CXCL9: variants seen among roughly 807,000 people sequenced by gnomAD.
CXCL9 encodes the protein C-X-C motif chemokine 9.
Under a neutral mutation model 11.7 loss-of-function variants are expected in CXCL9, and 8 were observed. The observed-to-expected ratio is 0.68, with a 90% CI of 0.40 to 1.23. CXCL9 has a LOEUF of 1.23. Ranked by LOEUF, CXCL9 falls within the 50% of genes most tolerant of loss-of-function variation. The pLI, the probability that CXCL9 is intolerant of heterozygous loss-of-function variation, is 0.01. For synonymous variants in CXCL9, 43 were observed against 48.2 expected, an observed-to-expected ratio of 0.89 and a Z score of 0.45; for missense variants, 133 against 141.7, an observed-to-expected ratio of 0.94 and a Z score of 0.31.
At chr4:76,003,743 C>T in intron 3 of CXCL9, 44 bp from the exon 4 acceptor site, 1 of 1,138,270 alleles carries the variant, frequency 8.8e-7, no homozygotes, top group Non-Finnish European at 1.3e-6. Context: ...TGAATCTTAC[C>T]ATTTTTACTT....
At chr4:76,003,727 T>C (rs753997520) in intron 3 of CXCL9, 28 bp from the exon 4 acceptor site, 20 of 1,291,106 alleles carry the variant, frequency 1.5e-5, no homozygotes, top group Non-Finnish European at 2.1e-5. Flanking sequence ...AAAAGGGCAA[T>C]GTTTCTGAAT....
chr4:76,003,503 G>T lies in CXCL9; in HGVS notation c.*95C>A. 1 of 691,128 alleles carries T rather than the reference G, an allele frequency of 1.4e-6. No homozygotes were observed. The highest frequency in any genetic ancestry group is 1.8e-5 in the South Asian group (1 of 54,370). 42.8% of individuals were successfully genotyped at this position (691,128 alleles called of 1,614,324 possible). A position where few individuals can be genotyped will look rare whatever the true frequency, so the allele number is the denominator to read the frequency against. ...TTAAATTTTCTAGTCAAATTAATAA[G>T]CCTTTGTATTATATGCCATCCTCCT... is the stretch of plus-strand genomic sequence containing the variant. On this transcript the variant is annotated 3_prime_UTR_variant, in exon 4 of 4. Coordinates refer to ENST00000264888, the MANE Select transcript of CXCL9 (RefSeq NM_002416.3).
At position 76,004,872 on chromosome 4, in the gene CXCL9, A is replaced by G; in HGVS notation, c.213T>C (p.Val71=). 1 of 1,607,166 alleles carries G rather than the reference A, an allele frequency of 6.2e-7. No homozygotes were observed. Among genetic ancestry groups the G allele is most frequent in the South Asian group, 1.1e-5 (1 of 88,948 alleles). Residue 71 remains valine, a synonymous_variant, in exon 3 of 4, where the codon GTT becomes GTC. Transcript: ENST00000264888. ...IEIIATLKNG[V]QTCLNPDSAD... is the part of the protein sequence containing the mutation. The stretch of plus-strand genomic sequence containing the variant: ...CTGAATCTGGGTTTAGACATGTTTG[A>G]ACTCCATTCTTCAGTGTAGCACTGC...
intron 3 of CXCL9, 43 bp from the exon 4 acceptor site, chr4:76,003,742 C>T: frequency 8.6e-7 from 1 of 1,157,800 alleles, no homozygotes; most frequent in South Asian, 1.3e-5. Flanking sequence ...CTGAATCTTA[C>T]CATTTTTACT....
At chr4:76,005,082 C>T in intron 2 of CXCL9, 189 bp from the exon 3 acceptor site, 1 of 936,308 alleles carries the variant, frequency 1.1e-6, no homozygotes, top group South Asian at 3.3e-5. Flanking sequence ...GAATTTCGCT[C>T]TGTTGCCAGG....
At chr4:76,006,422 G>A (rs753566997) in intron 1 of CXCL9, 148 bp from the exon 2 acceptor site, 2 of 706,392 alleles carry the variant, frequency 2.8e-6, no homozygotes, top group African/African-American at 1.8e-5. Context: ...TTTGAAGGAG[G>A]TATCATCTCT....
chr4:76,004,767 AT>A, intron 3 of CXCL9, 41 bp downstream of exon 3: 1 of 1,580,142 alleles, frequency 6.3e-7, no homozygotes, highest in South Asian at 1.2e-5. Flanking sequence ...TCTAAAGTTA[AT>A]TTCTAAAAGA....
At chr4:76,003,911 T>TTC (rs1215697136) in intron 3 of CXCL9, among the ~76,000 whole-genome samples, 1 of 152,178 alleles carries the variant, frequency 6.6e-6, no homozygotes, top group African/African-American at 2.4e-5. Flanking sequence ...CTTTTGTCTA[T>TTC]TCTTCTGGCT....
In CXCL9 at chr4:76,002,276, G is replaced by A. The variant is rs753005874; in HGVS notation, c.*1322C>T. 59 of 398,016 alleles carry A rather than the reference G, an allele frequency of 1.5e-4. No homozygotes were observed. Among genetic ancestry groups the A allele is most frequent in the Non-Finnish European group, 1.5e-4 (35 of 225,924 alleles). The allele number at this position is 398,016 out of a possible 1,614,324, so 24.7% of individuals were successfully genotyped here. On this transcript the variant is annotated 3_prime_UTR_variant, in exon 4 of 4. Coordinates refer to ENST00000264888, the MANE Select transcript of CXCL9 (RefSeq NM_002416.3). ...TTCATTGTAAGATTATATGATTTTC[G>A]GTAAACTGTATATTTTTTAAAAACA...
chr4:76,004,358 T>C (rs1352248424), intron 3 of CXCL9, among the ~76,000 whole-genome samples: 1 of 152,204 alleles, frequency 6.6e-6, no homozygotes, highest in East Asian at 1.9e-4. Flanking sequence ...TCACCTGACA[T>C]GAGAAATCTT....
Position 76,007,372 on chromosome 4 carries a change from T to G in CXCL9, c.64+14A>C. ...CACTTCTCTTACTTTACAACCTAACTCAGAACCCCTTACCTTGCACTCCAA... is the reference window on the plus strand; with the variant it reads ...CACTTCTCTTACTTTACAACCTAACGCAGAACCCCTTACCTTGCACTCCAA... On this transcript the variant is annotated intron_variant, in intron 1 of 3. Coordinates refer to ENST00000264888, the MANE Select transcript of CXCL9 (RefSeq NM_002416.3). The G allele has an allele frequency of 1.3e-6, 2 of 1,487,346 alleles. No homozygotes were observed. Among genetic ancestry groups the G allele is most frequent in the Non-Finnish European group, 1.9e-6 (2 of 1,064,396 alleles). The allele number at this position is 1,487,346 out of a possible 1,614,324, so 92.1% of individuals were successfully genotyped here.
chr4:76,001,426 A>G lies in CXCL9; in HGVS notation c.*2172T>C, dbSNP rs1472969447. The G allele has an allele frequency of 6.6e-6, 1 of 152,228 alleles. No homozygotes were observed. The highest frequency in any genetic ancestry group is 1.5e-5 in the Non-Finnish European group (1 of 68,048). The allele number at this position is 152,228 out of a possible 1,614,324, so 9.4% of individuals were successfully genotyped here. On this transcript the variant is annotated 3_prime_UTR_variant, in exon 4 of 4. Transcript: ENST00000264888. The stretch of plus-strand genomic sequence containing the variant: ...TAAGATTTACTATTAAACATTCAAC[A>G]GTTGAAGGGTACATTCAAGAGAAAA...
intron 1 of CXCL9, 59 bp from the exon 2 acceptor site, chr4:76,006,333 T>C (rs1298011463): frequency 8.5e-6 from 13 of 1,527,060 alleles, no homozygotes; most frequent in East Asian, 2.3e-5. Context: ...GTTTAGGTGA[T>C]CTATCAAAAT....
chr4:76,004,684 A>ATTATG (rs1731550157), intron 3 of CXCL9, 125 bp downstream of exon 3: 1 of 1,337,260 alleles, frequency 7.5e-7, no homozygotes, highest in East Asian at 2.8e-5. Flanking sequence ...GAAGCACCAT[A>ATTATG]ATATGAATGA....
Position 76,002,286 on chromosome 4 carries a change from A to G in CXCL9, c.*1312T>C, listed in dbSNP as rs989968069. On this transcript the variant is annotated 3_prime_UTR_variant, in exon 4 of 4. Coordinates refer to ENST00000264888, the MANE Select transcript of CXCL9 (RefSeq NM_002416.3). ...GATTATATGATTTTCGGTAAACTGT[A>G]TATTTTTTAAAAACAGTCCAGAATA... 2.5e-5 allele frequency: 10 copies of G among 398,372 alleles called. No homozygotes were observed. The highest frequency in any genetic ancestry group is 1.2e-4 in the African/African-American group (6 of 48,588). 24.7% of individuals were successfully genotyped at this position (398,372 alleles called of 1,614,324 possible).
rs373509194 is a variant in CXCL9 at position 76,003,372 on chromosome 4, T to G, written c.*226A>C. 246 of 488,704 alleles carry G rather than the reference T, an allele frequency of 5.0e-4. 3 individuals carry two copies. Among genetic ancestry groups the G allele is most frequent in the African/African-American group, 4.5e-3 (224 of 50,086 alleles). The allele number at this position is 488,704 out of a possible 1,614,324, so 30.3% of individuals were successfully genotyped here. A position where few individuals can be genotyped will look rare whatever the true frequency, so the allele number is the denominator to read the frequency against. On this transcript the variant is annotated 3_prime_UTR_variant, in exon 4 of 4. Transcript: ENST00000264888. ...GGCCTTAAGCATGATGAAATTCAAC[T>G]GGTGGGTGGTAGAAGAACAAAGACA...
At chr4:76,004,666 A>G (rs1365036750) in intron 3 of CXCL9, 143 bp downstream of exon 3, 3 of 1,284,614 alleles carry the variant, frequency 2.3e-6, no homozygotes, top group Non-Finnish European at 2.0e-6. Flanking sequence ...TGTCCTAGGA[A>G]CAAAATAGAA....
chr4:76,006,312 C>A (rs762072923), intron 1 of CXCL9, 38 bp from the exon 2 acceptor site: 1 of 1,587,860 alleles, frequency 6.3e-7, no homozygotes, highest in Non-Finnish European at 8.6e-7. Context: ...TCAGTATAGG[C>A]CAATGTTTCA....
intron 1 of CXCL9, 138 bp from the exon 2 acceptor site, chr4:76,006,412 T>C (rs544094717): frequency 2.6e-6 from 2 of 770,258 alleles, no homozygotes; most frequent in South Asian, 4.0e-5. Flanking sequence ...ACCACAAACC[T>C]TTGAAGGAGG....
Sources: gnomAD v4.1 joint callset for allele counts (sites outside exome capture counted in the v4.1 genomes callset) on GRCh38, gnomAD v4.1.1 for gene constraint, MANE v1.5 for transcripts, NCBI Gene and HGNC (gene_info 2026-07-23, HGNC 2026-07-21) for gene names.